Variants in CADM2 observed in about 807,000 individuals in gnomAD.
CADM2 encodes the protein cell adhesion molecule 2, also known as immunoglobulin superfamily member 4D.
CADM2 carries 12 observed loss-of-function variants against 49.8 expected under a neutral mutation model. That is an observed-to-expected ratio of 0.24 (90% CI 0.15 to 0.39). The LOEUF (loss-of-function observed/expected upper bound fraction) is 0.39. Ranked by LOEUF, CADM2 falls within the 10% of genes least tolerant of loss-of-function variation. CADM2 has a pLI of 1.00. For synonymous variants in CADM2, 214 were observed against 175.4 expected (o/e 1.22, Z -1.74); for missense variants, 378 against 492.3 (o/e 0.77, Z 2.20).
intron 3 of CADM2, among the ~76,000 whole-genome samples, chr3:85,851,653 G>A (rs973380344): frequency 6.7e-6 from 1 of 148,618 alleles, no homozygotes; most frequent in East Asian, 2.0e-4. Flanking sequence ...AGATACTATA[G>A]TGTGTATGTT....
chr3:85,260,146 C>A (rs541631419), intron 1 of CADM2, among the ~76,000 whole-genome samples: 49 of 151,906 alleles, frequency 3.2e-4, no homozygotes, highest in African/African-American at 1.1e-3. Context: ...TTTCCACAAT[C>A]AATGTGAAAA....
At chr3:85,583,128 G>T (rs1388949951) in intron 1 of CADM2, among the ~76,000 whole-genome samples, 1 of 152,036 alleles carries the variant, frequency 6.6e-6, no homozygotes, top group Non-Finnish European at 1.5e-5. Flanking sequence ...TGAACTTCAT[G>T]ACAACTGGCA....
At chr3:85,020,251 A>T (rs2107288056) in intron 1 of CADM2, among the ~76,000 whole-genome samples, 1 of 152,318 alleles carries the variant, frequency 6.6e-6, no homozygotes, top group African/African-American at 2.4e-5. Context: ...TGAAAATATC[A>T]GAAAAAATGC....
At chr3:85,542,831 C>A (rs7620313) in intron 1 of CADM2, among the ~76,000 whole-genome samples, 7 of 152,074 alleles carry the variant, frequency 4.6e-5, no homozygotes, top group African/African-American at 1.7e-4. Context: ...TTAACCCTAA[C>A]GTCAAGAGTG....
In CADM2 at chr3:85,568,413, T is replaced by TTCTTTCTG. The variant is rs1234323187; in HGVS notation, c.62-158102_62-158101insGTCTTTCT. On this transcript the variant is annotated intron_variant, in intron 1 of 9. Coordinates refer to ENST00000383699, the MANE Select transcript of CADM2 (RefSeq NM_001167675.2). Reference sequence around the variant, plus strand: ...CCTTCCTCCCTCTTTCTTTCTTTCTTTCTTTCTTTCTTTCTTTCTTTCTTT... The same window carrying TTCTTTCTG: ...CCTTCCTCCCTCTTTCTTTCTTTCTTTCTTTCTGTCTTTCTTTCTTTCTTTCTTTCTTT... 4.7e-5 allele frequency among the ~76,000 whole-genome samples: 2 copies of TTCTTTCTG among 42,462 alleles called. 1 individual carries two copies. The highest frequency in any genetic ancestry group is 9.8e-5 in the Non-Finnish European group (2 of 20,370). The allele number at this position is 42,462 out of a possible 152,430, so 27.9% of individuals were successfully genotyped here. A position where few individuals can be genotyped will look rare whatever the true frequency, so the allele number is the denominator to read the frequency against.
At chr3:85,449,052 A>AAAAAAAAAAAT (rs71617939) in intron 1 of CADM2, among the ~76,000 whole-genome samples, 1 of 107,406 alleles carries the variant, frequency 9.3e-6, no homozygotes, top group Non-Finnish European at 2.1e-5. Flanking sequence ...TCCAACTCAA[A>AAAAAAAAAAAT]AATAATAATA....
At chr3:85,647,840 C>T (rs777843929) in intron 1 of CADM2, among the ~76,000 whole-genome samples, 3 of 151,764 alleles carry the variant, frequency 2.0e-5, no homozygotes, top group Non-Finnish European at 3.0e-5. Context: ...TCATATTTCT[C>T]TAGACAACAA....
chr3:85,185,040 T>G (rs976358266), intron 1 of CADM2, among the ~76,000 whole-genome samples: 12 of 151,988 alleles, frequency 7.9e-5, no homozygotes, highest in African/African-American at 2.7e-4. Flanking sequence ...ATAAGAGAAA[T>G]GTAACCCTAG....
intron 8 of CADM2, among the ~76,000 whole-genome samples, chr3:85,997,999 C>A (rs1729643032): frequency 6.6e-6 from 1 of 151,986 alleles, no homozygotes; most frequent in African/African-American, 2.4e-5. Context: ...GTATGATAAG[C>A]AACATGGATG....
intron 8 of CADM2, among the ~76,000 whole-genome samples, chr3:86,036,459 C>G (rs1735175163): frequency 6.6e-6 from 1 of 152,122 alleles, no homozygotes; most frequent in Admixed American, 6.6e-5. Context: ...GCTTTTCTCT[C>G]TTCAGTCTGC....
intron 1 of CADM2, among the ~76,000 whole-genome samples, chr3:85,137,201 T>A (rs79445468): frequency 0.017 from 2,653 of 152,006 alleles, 35 homozygotes; most frequent in Middle Eastern, 0.051. Flanking sequence ...CTCAAAGAAA[T>A]GAACAATTGA....
chr3:85,122,767 T>C (rs569586983), intron 1 of CADM2, among the ~76,000 whole-genome samples: 1 of 152,194 alleles, frequency 6.6e-6, no homozygotes, highest in East Asian at 1.9e-4. Context: ...CCTGATAGTA[T>C]CACCTAGACC....
In CADM2 at chr3:86,054,814, C is replaced by T. The variant is rs559142429; in HGVS notation, c.971-10791C>T. Among the ~76,000 whole-genome samples the T allele has an allele frequency of 1.7e-3, 251 of 151,936 alleles. 1 individual carries two copies. The highest frequency in any genetic ancestry group is 5.6e-3 in the African/African-American group (231 of 41,432). On this transcript the variant is annotated intron_variant, in intron 8 of 9. Coordinates refer to ENST00000383699, the MANE Select transcript of CADM2 (RefSeq NM_001167675.2). Reference sequence around the variant, plus strand: ...TTAACCTCCATTCTGCTTAAACATACCTTAATTTATCTTTTTAGATTTTCA... The same window carrying T: ...TTAACCTCCATTCTGCTTAAACATATCTTAATTTATCTTTTTAGATTTTCA...
At chr3:85,879,558 T>C (rs1178148190) in intron 3 of CADM2, among the ~76,000 whole-genome samples, 2 of 152,194 alleles carry the variant, frequency 1.3e-5, no homozygotes, top group African/African-American at 2.4e-5. Context: ...TTTTCAAATA[T>C]ATGACATTTG....
intron 1 of CADM2, among the ~76,000 whole-genome samples, chr3:84,974,149 G>T (rs563010196): frequency 6.6e-6 from 1 of 151,874 alleles, no homozygotes; most frequent in East Asian, 1.9e-4. Flanking sequence ...TGGTATTTTT[G>T]AATATTACTA....
chr3:85,912,578 G>A, intron 6 of CADM2, 35 bp downstream of exon 6: 1 of 1,577,558 alleles, frequency 6.3e-7, no homozygotes, highest in East Asian at 2.3e-5. Context: ...CTTTATCTCA[G>A]CAGCAAATCT....
At chr3:85,460,473 A>G (rs980108481) in intron 1 of CADM2, among the ~76,000 whole-genome samples, 1 of 152,154 alleles carries the variant, frequency 6.6e-6, no homozygotes, top group African/African-American at 2.4e-5. Flanking sequence ...GCATTTCAAA[A>G]TGTAACTGAA....
intron 3 of CADM2, among the ~76,000 whole-genome samples, chr3:85,805,741 T>G (rs962548817): frequency 6.6e-6 from 1 of 152,196 alleles, no homozygotes; most frequent in Admixed American, 6.6e-5. Flanking sequence ...AGAGCCTAAG[T>G]GAAGAAGGTG....
intron 2 of CADM2, among the ~76,000 whole-genome samples, chr3:85,783,684 G>A (rs943151361): frequency 6.6e-6 from 1 of 152,064 alleles, no homozygotes; most frequent in African/African-American, 2.4e-5. Context: ...TAGCTATCAT[G>A]GTATTATAAA....
Sources: allele counts gnomAD v4.1 joint callset (sites outside exome capture counted in the v4.1 genomes callset), GRCh38; gene constraint gnomAD v4.1.1; transcripts MANE v1.5; gene names NCBI Gene and HGNC (gene_info 2026-07-23, HGNC 2026-07-21).